The following SMURF1 variants were observed in gnomAD, a reference collection of about 807,000 sequenced individuals.
SMURF1 encodes E3 ubiquitin-protein ligase SMURF1.
A neutral mutation model predicts 98.0 loss-of-function variants in SMURF1; 44 were observed. That is an observed-to-expected ratio of 0.45 (90% CI 0.35 to 0.58). The LOEUF (loss-of-function observed/expected upper bound fraction) is 0.58, where lower values mean the gene tolerates loss of function less well. SMURF1 is among the 20% of genes least tolerant of loss of function. The probability of loss-of-function intolerance (pLI) is 0.00; values close to 1 mark genes in which losing one functional copy is unlikely to be tolerated. For synonymous variants in SMURF1, 396 were observed against 374.9 expected (o/e 1.06, Z -0.65); for missense variants, 687 against 938.4 (o/e 0.73, Z 3.50).
intron 1 of SMURF1, among the ~76,000 whole-genome samples, chr7:99,119,342 G>A (rs1378742702): frequency 1.3e-5 from 2 of 151,942 alleles, no homozygotes; most frequent in African/African-American, 4.8e-5. Context: ...ATTACACTGT[G>A]TATATATCAC....
intron 1 of SMURF1, among the ~76,000 whole-genome samples, chr7:99,093,966 G>T (rs974490429): frequency 1.3e-5 from 2 of 152,126 alleles, no homozygotes; most frequent in African/African-American, 4.8e-5. Flanking sequence ...GTCATTAATA[G>T]CTCAGTTGAA....
intron 1 of SMURF1, among the ~76,000 whole-genome samples, chr7:99,119,013 T>A (rs1431678613): frequency 3.1e-5 from 2 of 63,632 alleles, no homozygotes; most frequent in African/African-American, 1.5e-4. Flanking sequence ...ATTTTTTTTT[T>A]TTTTTTTTTT....
intron 15 of SMURF1, among the ~76,000 whole-genome samples, chr7:99,036,641 C>G (rs1341798002): frequency 6.6e-6 from 1 of 152,098 alleles, no homozygotes; most frequent in Non-Finnish European, 1.5e-5. Context: ...GAATGAATCA[C>G]CGTGTTCAAG....
intron 1 of SMURF1, among the ~76,000 whole-genome samples, chr7:99,115,540 C>G (rs1054738774): frequency 6.6e-6 from 1 of 152,030 alleles, no homozygotes; most frequent in Non-Finnish European, 1.5e-5. Flanking sequence ...CTGCAGTGAG[C>G]TGAGATCATA....
At chr7:99,115,717 A>T (rs1345480389) in intron 1 of SMURF1, among the ~76,000 whole-genome samples, 1 of 152,174 alleles carries the variant, frequency 6.6e-6, no homozygotes, top group Non-Finnish European at 1.5e-5. Flanking sequence ...ACAAAAACTG[A>T]CTCAACACAA....
intron 1 of SMURF1, among the ~76,000 whole-genome samples, chr7:99,098,780 T>C (rs2150586856): frequency 6.6e-6 from 1 of 152,294 alleles, no homozygotes; most frequent in East Asian, 1.9e-4. Flanking sequence ...CACATGTTAG[T>C]GACTTTCGGC....
chr7:99,040,485 G>A lies in SMURF1; in HGVS notation c.1443C>T (p.Asn481=), dbSNP rs745794503. 4.0e-5 allele frequency: 63 copies of A among 1,588,650 alleles called. No homozygotes were observed. The highest frequency in any genetic ancestry group is 1.7e-4 in the Middle Eastern group (1 of 5,982). Residue 481 remains asparagine, a synonymous_variant, in exon 13 of 18, where the codon AAC becomes AAT. Coordinates refer to ENST00000361368, the MANE Select transcript of SMURF1 (RefSeq NM_181349.3). ...TGTAGAAGGGCACTGTGAAGCCCCCGTTGATGTAGTGTCCATGGAACACAG... is the reference window on the plus strand; with the variant it reads ...TGTAGAAGGGCACTGTGAAGCCCCCATTGATGTAGTGTCCATGGAACACAG... The part of the protein sequence containing the change: ...GLAVFHGHYI[N]GGFTVPFYKQ...
intron 1 of SMURF1, among the ~76,000 whole-genome samples, chr7:99,076,143 G>C (rs1019583161): frequency 6.6e-6 from 1 of 152,146 alleles, no homozygotes. Flanking sequence ...GGGCTCAAGC[G>C]ATCCTCCAGC....
At chr7:99,078,714 G>T (rs962133369) in intron 1 of SMURF1, among the ~76,000 whole-genome samples, 1 of 152,210 alleles carries the variant, frequency 6.6e-6, no homozygotes, top group Non-Finnish European at 1.5e-5. Flanking sequence ...AGGGGTCTAG[G>T]TTGCACCCTT....
At chr7:99,036,593 C>A (rs778509120) in intron 15 of SMURF1, 12 of 160,518 alleles carry the variant, frequency 7.5e-5, no homozygotes, top group Non-Finnish European at 1.4e-4. Context: ...ACAATCTACA[C>A]GGCTTGAGCT....
chr7:99,087,687 G>A lies in SMURF1; in HGVS notation c.56-25850C>T, dbSNP rs116136546. Among the ~76,000 whole-genome samples, 1,268 of 152,222 alleles carry A rather than the reference G, an allele frequency of 8.3e-3. 20 individuals carry two copies. The highest frequency in any genetic ancestry group is 0.029 in the African/African-American group (1,194 of 41,522). On this transcript the variant is annotated intron_variant, in intron 1 of 17. Coordinates refer to ENST00000361368, the MANE Select transcript of SMURF1 (RefSeq NM_181349.3). ...GTGCAAGGCTGATCGCTTCTGCCGC[G>A]CACATTAAATGACTCCTCCGACGCT...
chr7:99,122,242 C>A (rs1308530921), intron 1 of SMURF1, among the ~76,000 whole-genome samples: 1 of 150,756 alleles, frequency 6.6e-6, no homozygotes, highest in African/African-American at 2.4e-5. Flanking sequence ...GCAGGAGAAT[C>A]GCTTGAACCC....
At chr7:99,057,132 G>C in intron 5 of SMURF1, 73 bp downstream of exon 5, 1 of 1,533,118 alleles carries the variant, frequency 6.5e-7, no homozygotes. Flanking sequence ...GCCTGTATGT[G>C]AGTTCTCGGC....
At chr7:99,063,113 ATAT>A (rs564325789) in intron 1 of SMURF1, among the ~76,000 whole-genome samples, 1,776 of 149,958 alleles carry the variant, frequency 0.012, 37 homozygotes, top group African/African-American at 0.042. Context: ...CACATAATAG[ATAT>A]TGTTCTGCCA....
At chr7:99,047,648 T>C (rs986967899) in intron 10 of SMURF1, 36 bp downstream of exon 10, 6 of 1,605,254 alleles carry the variant, frequency 3.7e-6, no homozygotes, top group Non-Finnish European at 3.4e-6. Context: ...TATTTGTTTC[T>C]GAACAGGGTC....
chr7:99,063,200 TA>T (rs1273192233), intron 1 of SMURF1, among the ~76,000 whole-genome samples: 1 of 136,916 alleles, frequency 7.3e-6, no homozygotes, highest in African/African-American at 2.7e-5. Flanking sequence ...AAGATATATA[TA>T]TTTATATAGT....
intron 1 of SMURF1, 119 bp from the exon 2 acceptor site, chr7:99,061,956 T>G: frequency 5.7e-6 from 4 of 697,704 alleles, no homozygotes; most frequent in Non-Finnish European, 9.3e-6. Context: ...AGATTTGACT[T>G]TCAAATCTAG....
chr7:99,045,686 C>T lies in SMURF1; in HGVS notation c.1256+12G>A. The T allele has an allele frequency of 1.2e-6, 2 of 1,603,106 alleles. No homozygotes were observed. The highest frequency in any genetic ancestry group is 1.7e-6 in the Non-Finnish European group (2 of 1,169,934). On this transcript the variant is annotated intron_variant, in intron 11 of 17. Coordinates refer to ENST00000361368, the MANE Select transcript of SMURF1 (RefSeq NM_181349.3). ...CCACACAGCAGAGAAGGTGAATGAA[C>T]AAGCAGCTCACCTGGCCACACCACC...
intron 10 of SMURF1, 176 bp downstream of exon 10, chr7:99,047,505 GTAA>G: frequency 3.1e-6 from 2 of 640,982 alleles, no homozygotes; most frequent in South Asian, 3.9e-5. Context: ...ACTTCCCTTA[GTAA>G]TAAAATCAAT....
Sources: gnomAD v4.1 joint callset for allele counts (sites outside exome capture counted in the v4.1 genomes callset) on GRCh38, gnomAD v4.1.1 for gene constraint, MANE v1.5 for transcripts, NCBI Gene and HGNC (gene_info 2026-07-23, HGNC 2026-07-21) for gene names.